ADAMTSL1: variants seen among roughly 807,000 people sequenced by gnomAD.
The protein encoded by ADAMTSL1 is ADAMTS like 1, also known as ADAMTS-like protein 1.
In ADAMTSL1, 126 loss-of-function variants were observed where a neutral mutation model predicts 201.8. That is an observed-to-expected ratio of 0.62 (90% confidence interval 0.54 to 0.72). ADAMTSL1 has a LOEUF of 0.72. ADAMTSL1 is among the 30% of genes least tolerant of loss of function. The pLI, the probability that ADAMTSL1 is intolerant of heterozygous loss-of-function variation, is 0.00. For synonymous variants in ADAMTSL1, 1,121 were observed against 903.4 expected (o/e 1.24, Z -4.32); for missense variants, 2,679 against 2,277.8 (o/e 1.18, Z -3.59).
At chr9:17,988,610 T>G (rs1289174214) in intron 1 of ADAMTSL1, among the ~76,000 whole-genome samples, 1 of 151,648 alleles carries the variant, frequency 6.6e-6, no homozygotes, top group Non-Finnish European at 1.5e-5. Context: ...AAGAGTACCA[T>G]CATTTTAAAG....
intron 2 of ADAMTSL1, among the ~76,000 whole-genome samples, chr9:18,516,863 A>T (rs1818392010): frequency 6.6e-6 from 1 of 152,232 alleles, no homozygotes; most frequent in African/African-American, 2.4e-5. Flanking sequence ...GAAGAGGAGC[A>T]AAAACTGCTC....
chr9:18,120,460 G>A (rs1286819577), intron 1 of ADAMTSL1, among the ~76,000 whole-genome samples: 2 of 152,188 alleles, frequency 1.3e-5, no homozygotes, highest in Non-Finnish European at 2.9e-5. Context: ...TGTTGGGGGG[G>A]ACCCTGGAGG....
At chr9:18,340,189 C>T (rs1373132382) in intron 2 of ADAMTSL1, among the ~76,000 whole-genome samples, 2 of 152,174 alleles carry the variant, frequency 1.3e-5, no homozygotes, top group Non-Finnish European at 2.9e-5. Context: ...CTGGTTGTTT[C>T]TTTCTATCTT....
At chr9:18,848,645 G>C (rs985672707) in intron 23 of ADAMTSL1, among the ~76,000 whole-genome samples, 2 of 152,190 alleles carry the variant, frequency 1.3e-5, no homozygotes, top group African/African-American at 2.4e-5. Context: ...ACCCCAGCCT[G>C]GAATGATCAC....
intron 27 of ADAMTSL1, among the ~76,000 whole-genome samples, chr9:18,906,314 C>T (rs894835235): frequency 2.0e-5 from 3 of 152,118 alleles, no homozygotes; most frequent in Non-Finnish European, 4.4e-5. Flanking sequence ...CCTACCATTC[C>T]TATCCAGTCC....
chr9:18,211,683 A>G (rs959583565), intron 2 of ADAMTSL1, among the ~76,000 whole-genome samples: 3 of 152,164 alleles, frequency 2.0e-5, no homozygotes, highest in African/African-American at 7.2e-5. Flanking sequence ...TCCTTCTTTT[A>G]TTTTAGAAGA....
chr9:17,915,842 T>C (rs1234170667), intron 1 of ADAMTSL1, among the ~76,000 whole-genome samples: 1 of 152,222 alleles, frequency 6.6e-6, no homozygotes, highest in Non-Finnish European at 1.5e-5. Flanking sequence ...ACATCTTCTT[T>C]GGTAAAATTT....
rs111616838 is a variant in ADAMTSL1, at chr9:18,615,833, G to A, written c.475-6410G>A. Among the ~76,000 whole-genome samples, 373 of 152,198 alleles carry A rather than the reference G, an allele frequency of 2.5e-3. 5 individuals carry two copies. The highest frequency in any genetic ancestry group is 8.7e-3 in the African/African-American group (361 of 41,528). ...AGAGCCCAGTGTCTTTACGAATCTG[G>A]AGCCACATAAAACCTCAGTGACAGA... On this transcript the variant is annotated intron_variant, in intron 4 of 28. Transcript: ENST00000380548.
chr9:18,647,336 C>T (rs1827884301), intron 7 of ADAMTSL1, among the ~76,000 whole-genome samples: 1 of 149,278 alleles, frequency 6.7e-6, no homozygotes, highest in East Asian at 2.0e-4. Context: ...TTCAAAAAAC[C>T]AGCTCCTGGA....
rs111667587 is a variant in ADAMTSL1 at position 18,724,447 on chromosome 9, T to C, written c.2006+2782T>C. Among the ~76,000 whole-genome samples the C allele has an allele frequency of 1.7e-3, 265 of 152,324 alleles. 1 individual carries two copies. Among genetic ancestry groups the C allele is most frequent in the African/African-American group, 4.9e-3 (203 of 41,574 alleles). ...CTTTCACCAGGTTTAGGCAAATACA[T>C]CCTCATACCTGGTTATTCACAATAG... is the stretch of plus-strand genomic sequence containing the variant. On this transcript the variant is annotated intron_variant, in intron 15 of 28. Coordinates refer to ENST00000380548, the MANE Select transcript of ADAMTSL1 (RefSeq NM_001040272.6).
Position 18,908,479 on chromosome 9 carries a change from G to T in ADAMTSL1, c.5220G>T (p.Val1740=). ...ACACCACCAGGTACTGCGAGAAGGT[G>T]AAACAGCTGAAACTCTGCCAACTCA... ...CRDTTRYCEK[V]KQLKLCQLSQ... The change falls in exon 29 of 29, where the codon GTG becomes GTT. Residue 1740 remains valine, a synonymous_variant. Coordinates refer to ENST00000380548, the MANE Select transcript of ADAMTSL1 (RefSeq NM_001040272.6). 6.4e-7 allele frequency: 1 copy of T among 1,563,620 alleles called. No homozygotes were observed. The highest frequency in any genetic ancestry group is 8.7e-7 in the Non-Finnish European group (1 of 1,154,126).
intron 2 of ADAMTSL1, among the ~76,000 whole-genome samples, chr9:18,365,787 C>A (rs910561772): frequency 6.6e-6 from 1 of 152,064 alleles, no homozygotes; most frequent in Non-Finnish European, 1.5e-5. Context: ...AACTGGGCCA[C>A]AAAACAGGAG....
At chr9:18,303,025 A>G (rs1410264512) in intron 2 of ADAMTSL1, among the ~76,000 whole-genome samples, 1 of 152,084 alleles carries the variant, frequency 6.6e-6, no homozygotes, top group Non-Finnish European at 1.5e-5. Context: ...ATGCAGAGAA[A>G]CTCACGCTTT....
At chr9:18,020,368 A>C (rs1471891741) in intron 1 of ADAMTSL1, among the ~76,000 whole-genome samples, 1 of 152,072 alleles carries the variant, frequency 6.6e-6, no homozygotes, top group Non-Finnish European at 1.5e-5. Context: ...TGTGGCTTTT[A>C]TCCTGAGTGC....
chr9:18,299,237 T>C (rs1388549356), intron 2 of ADAMTSL1, among the ~76,000 whole-genome samples: 1 of 152,112 alleles, frequency 6.6e-6, no homozygotes, highest in Non-Finnish European at 1.5e-5. Flanking sequence ...AGCACCTGGC[T>C]TCTGAGCCGC....
chr9:18,096,201 C>G (rs1824244764), intron 1 of ADAMTSL1, among the ~76,000 whole-genome samples: 1 of 152,146 alleles, frequency 6.6e-6, no homozygotes, highest in Non-Finnish European at 1.5e-5. Context: ...ATTTACTCAG[C>G]ATGTTTTTTC....
intron 1 of ADAMTSL1, among the ~76,000 whole-genome samples, chr9:17,967,857 C>G (rs189998330): frequency 2.0e-5 from 3 of 152,180 alleles, no homozygotes; most frequent in Admixed American, 2.0e-4. Flanking sequence ...TGTCCAAGGT[C>G]TTCTTCTGTT....
intron 1 of ADAMTSL1, among the ~76,000 whole-genome samples, chr9:18,142,776 C>G (rs1326149182): frequency 6.6e-6 from 1 of 152,066 alleles, no homozygotes; most frequent in African/African-American, 2.4e-5. Flanking sequence ...AACAAGTGAC[C>G]CAGGCCATAT....
chr9:17,950,608 A>G (rs1827697942), intron 1 of ADAMTSL1, among the ~76,000 whole-genome samples: 1 of 151,972 alleles, frequency 6.6e-6, no homozygotes, highest in Non-Finnish European at 1.5e-5. Context: ...ATGATCTCTC[A>G]TACTGATACA....
Sources: gnomAD v4.1 joint callset for allele counts (sites outside exome capture counted in the v4.1 genomes callset) on GRCh38, gnomAD v4.1.1 for gene constraint, MANE v1.5 for transcripts, NCBI Gene and HGNC (gene_info 2026-07-23, HGNC 2026-07-21) for gene names.